Variants in SRBD1 observed in about 807,000 individuals in gnomAD.
SRBD1 encodes S1 RNA binding domain 1.
A neutral mutation model predicts 115.3 loss-of-function variants in SRBD1; 88 were observed. The ratio of observed to expected loss-of-function variants is 0.76; its 90% CI spans 0.64 to 0.91. The LOEUF is 0.91. SRBD1 is among the 40% of genes least tolerant of loss of function. The probability of loss-of-function intolerance (pLI) is 0.00; values close to 1 mark genes in which losing one functional copy is unlikely to be tolerated. For missense variants in SRBD1, 1,385 were observed against 1,177.4 expected (o/e 1.18, Z -2.58); for synonymous variants, 509 against 407.7 (o/e 1.25, Z -2.99).
chr2:45,610,596 G>A (rs956680101), intron 1 of SRBD1, among the ~76,000 whole-genome samples: 8 of 152,166 alleles, frequency 5.3e-5, no homozygotes, highest in African/African-American at 1.4e-4. Context: ...TCACGTGAGG[G>A]GTTCGAGGAA....
chr2:45,405,266 C>A (rs1035250857), intron 19 of SRBD1, among the ~76,000 whole-genome samples: 1 of 152,134 alleles, frequency 6.6e-6, no homozygotes, highest in African/African-American at 2.4e-5. Flanking sequence ...TCTGTCAGTT[C>A]TAGCCTAAGT....
intron 4 of SRBD1, among the ~76,000 whole-genome samples, chr2:45,595,211 A>G (rs1462311744): frequency 6.6e-6 from 1 of 152,222 alleles, no homozygotes; most frequent in Non-Finnish European, 1.5e-5. Flanking sequence ...TCCAAACAAG[A>G]CAGTGATGTT....
At position 45,389,219 on chromosome 2, in the gene SRBD1, T is replaced by A. The variant is rs962105347; in HGVS notation, c.*91A>T. On this transcript the variant is annotated 3_prime_UTR_variant, in exon 21 of 21. Coordinates refer to ENST00000263736, the MANE Select transcript of SRBD1 (RefSeq NM_018079.5). Reference sequence around the variant, plus strand: ...CTGATATTAAGTGAATTATTTCTCATCTGCTACCTAGAGTTTACAAACAAC... The same window carrying A: ...CTGATATTAAGTGAATTATTTCTCAACTGCTACCTAGAGTTTACAAACAAC... 1 of 1,398,408 alleles carries A rather than the reference T, an allele frequency of 7.2e-7. No individual in the cohort carries two copies. Among genetic ancestry groups the A allele is most frequent in the African/African-American group, 1.4e-5 (1 of 69,166 alleles). The allele number at this position is 1,398,408 out of a possible 1,614,324, so 86.6% of individuals were successfully genotyped here. A position where few individuals can be genotyped will look rare whatever the true frequency, so the allele number is the denominator to read the frequency against.
chr2:45,535,451 A>G (rs1671736819), intron 14 of SRBD1, among the ~76,000 whole-genome samples: 1 of 151,992 alleles, frequency 6.6e-6, no homozygotes, highest in Non-Finnish European at 1.5e-5. Flanking sequence ...TTTAATAATA[A>G]TCTTACCTGT....
chr2:45,433,459 G>A (rs1668398549), intron 16 of SRBD1, among the ~76,000 whole-genome samples: 2 of 152,100 alleles, frequency 1.3e-5, no homozygotes, highest in South Asian at 2.1e-4. Context: ...AGCTTTACAG[G>A]AACAGTCTAT....
At chr2:45,590,596 G>T (rs1040967304) in intron 4 of SRBD1, among the ~76,000 whole-genome samples, 3 of 152,176 alleles carry the variant, frequency 2.0e-5, no homozygotes, top group African/African-American at 7.2e-5. Context: ...TTTTGTAAGT[G>T]TCTGGCATTT....
chr2:45,481,627 G>A (rs1428546853), intron 15 of SRBD1, among the ~76,000 whole-genome samples: 18 of 151,998 alleles, frequency 1.2e-4, no homozygotes, highest in Non-Finnish European at 2.9e-5. Flanking sequence ...ATACACTCAG[G>A]AGAAATGGAA....
At chr2:45,478,549 T>C (rs2103824233) in intron 15 of SRBD1, among the ~76,000 whole-genome samples, 1 of 152,318 alleles carries the variant, frequency 6.6e-6, no homozygotes, top group East Asian at 1.9e-4. Flanking sequence ...TAAACCTTTA[T>C]TATTTAAAGA....
intron 3 of SRBD1, among the ~76,000 whole-genome samples, chr2:45,600,370 A>G (rs1352057717): frequency 1.3e-5 from 2 of 152,248 alleles, no homozygotes; most frequent in African/African-American, 4.8e-5. Context: ...TTGCATGTCA[A>G]CTATTTAGAA....
chr2:45,446,435 A>T (rs1251631774), intron 16 of SRBD1, among the ~76,000 whole-genome samples: 3 of 152,110 alleles, frequency 2.0e-5, no homozygotes, highest in African/African-American at 4.8e-5. Flanking sequence ...ATTCTGCCAT[A>T]CCCTACCACA....
In SRBD1 at chr2:45,547,613, C is replaced by G. The variant is rs1672162724; in HGVS notation, c.1676-1G>C. On this transcript the variant is annotated splice_acceptor_variant, in intron 12 of 20. Transcript: ENST00000263736. LOFTEE classifies it high-confidence loss of function. ...ACCACATCAGTATGAAGTATCTGACCTTTAAAAAATGAAAAGAATAAGCCA... is the reference window on the plus strand; with the variant it reads ...ACCACATCAGTATGAAGTATCTGACGTTTAAAAAATGAAAAGAATAAGCCA... 2 of 1,604,532 alleles carry G rather than the reference C, an allele frequency of 1.2e-6. No individual in the cohort carries two copies. The highest frequency in any genetic ancestry group is 1.3e-5 in the African/African-American group (1 of 74,264).
intron 19 of SRBD1, among the ~76,000 whole-genome samples, chr2:45,408,479 A>G (rs1020545150): frequency 6.6e-6 from 1 of 152,212 alleles, no homozygotes; most frequent in Non-Finnish European, 1.5e-5. Flanking sequence ...CTCCTGAGAG[A>G]CAAGCTTAGT....
At position 45,553,634 on chromosome 2, in the gene SRBD1, A is replaced by G. The variant is rs1487911468; in HGVS notation, c.1506T>C (p.Cys502=). ...GACAAGATATATACCTGAATTCTCT[A>G]CAGAGAAGAGGATAAATAAGGCGTT... is the stretch of plus-strand genomic sequence containing the variant. ...SFKRLIYPLL[C]REFRAKLTSD... The change falls in exon 11 of 21, where the codon TGT becomes TGC. Residue 502 remains cysteine (C), a synonymous_variant. Transcript: ENST00000263736. The G allele has an allele frequency of 1.3e-6, 2 of 1,590,400 alleles. No homozygotes were observed. The highest frequency in any genetic ancestry group is 1.1e-5 in the South Asian group (1 of 87,058).
At chr2:45,550,245 G>T (rs1672253886) in intron 12 of SRBD1, among the ~76,000 whole-genome samples, 1 of 151,938 alleles carries the variant, frequency 6.6e-6, no homozygotes, top group Admixed American at 6.6e-5. Context: ...AAACTGAAAG[G>T]TATAATATGT....
chr2:45,530,707 A>G (rs1266157336), intron 14 of SRBD1, among the ~76,000 whole-genome samples: 1 of 152,008 alleles, frequency 6.6e-6, no homozygotes, highest in African/African-American at 2.4e-5. Flanking sequence ...CCTTTTTTCT[A>G]CTACCCAGTT....
intron 9 of SRBD1, 32 bp from the exon 10 acceptor site, chr2:45,562,788 T>G (rs377454199): frequency 6.2e-6 from 9 of 1,457,354 alleles, no homozygotes; most frequent in Non-Finnish European, 8.5e-6. Context: ...AGACTAATAA[T>G]CCACAAAATA....
At chr2:45,547,473 C>T (rs1210366219) in intron 13 of SRBD1, 49 bp downstream of exon 13, 1 of 1,527,498 alleles carries the variant, frequency 6.5e-7, no homozygotes. Flanking sequence ...AAAGGTATCT[C>T]TGGTTGACTG....
chr2:45,576,985 A>T (rs913490685), intron 7 of SRBD1, among the ~76,000 whole-genome samples: 4 of 152,232 alleles, frequency 2.6e-5, no homozygotes, highest in Non-Finnish European at 5.9e-5. Context: ...GTGTAGTCCA[A>T]GGACCCAAAA....
chr2:45,492,220 G>A (rs899700641), intron 14 of SRBD1, among the ~76,000 whole-genome samples: 3 of 152,164 alleles, frequency 2.0e-5, no homozygotes, highest in African/African-American at 7.2e-5. Flanking sequence ...AAAGATATAC[G>A]TTTAAATAAC....
Sources: allele counts gnomAD v4.1 joint callset (sites outside exome capture counted in the v4.1 genomes callset), GRCh38; gene constraint gnomAD v4.1.1; transcripts MANE v1.5; gene names NCBI Gene and HGNC (gene_info 2026-07-23, HGNC 2026-07-21).